ADAMTSL1: variants seen among roughly 807,000 people sequenced by gnomAD.
ADAMTSL1 encodes ADAMTS-like protein 1.
ADAMTSL1 carries 126 observed loss-of-function variants against 201.8 expected under a neutral mutation model. That is an observed-to-expected ratio of 0.62 (90% confidence interval 0.54 to 0.72). The LOEUF (loss-of-function observed/expected upper bound fraction) is 0.72. Ranked by LOEUF, ADAMTSL1 falls within the 30% of genes least tolerant of loss-of-function variation. The pLI, the probability that ADAMTSL1 is intolerant of heterozygous loss-of-function variation, is 0.00. For missense variants in ADAMTSL1, 2,679 were observed against 2,277.8 expected (o/e 1.18, Z -3.59); for synonymous variants, 1,121 against 903.4 (o/e 1.24, Z -4.32).
At chr9:18,338,425 A>C (rs1045250457) in intron 2 of ADAMTSL1, among the ~76,000 whole-genome samples, 4 of 152,038 alleles carry the variant, frequency 2.6e-5, no homozygotes, top group Middle Eastern at 3.4e-3. Context: ...CACCTTATGT[A>C]ACTGATTATC....
chr9:18,153,223 A>G (rs1209754741), intron 1 of ADAMTSL1, among the ~76,000 whole-genome samples: 2 of 151,972 alleles, frequency 1.3e-5, no homozygotes, highest in East Asian at 1.9e-4. Context: ...GGGGATAGAG[A>G]CACTGGAGCC....
At chr9:18,380,155 T>C (rs984940746) in intron 2 of ADAMTSL1, among the ~76,000 whole-genome samples, 1 of 152,214 alleles carries the variant, frequency 6.6e-6, no homozygotes, top group African/African-American at 2.4e-5. Flanking sequence ...TAACAGCCTT[T>C]CCTCCACTTA....
intron 15 of ADAMTSL1, among the ~76,000 whole-genome samples, chr9:18,730,187 G>A (rs910464065): frequency 6.6e-6 from 1 of 152,194 alleles, no homozygotes; most frequent in South Asian, 2.1e-4. Context: ...ATTTTGAGCA[G>A]AAGTCCTCAT....
intron 2 of ADAMTSL1, among the ~76,000 whole-genome samples, chr9:18,226,705 C>T (rs902953316): frequency 6.6e-6 from 1 of 152,066 alleles, no homozygotes; most frequent in Non-Finnish European, 1.5e-5. Flanking sequence ...TTGTTCCCTC[C>T]TATTCCATTT....
chr9:17,979,968 C>A (rs1361349813), intron 1 of ADAMTSL1, among the ~76,000 whole-genome samples: 1 of 152,038 alleles, frequency 6.6e-6, no homozygotes, highest in Non-Finnish European at 1.5e-5. Flanking sequence ...AAGCTTGGAA[C>A]CGTGGAAACC....
At chr9:18,542,404 C>T (rs1820207246) in intron 3 of ADAMTSL1, among the ~76,000 whole-genome samples, 1 of 152,124 alleles carries the variant, frequency 6.6e-6, no homozygotes, top group African/African-American at 2.4e-5. Flanking sequence ...TGTCCTCATT[C>T]CATTATGTGT....
intron 10 of ADAMTSL1, among the ~76,000 whole-genome samples, chr9:18,678,577 C>T (rs1221723735): frequency 6.6e-6 from 1 of 152,110 alleles, no homozygotes; most frequent in Non-Finnish European, 1.5e-5. Flanking sequence ...ACACTATGGT[C>T]AGGTCCAAGT....
At chr9:18,280,095 T>C (rs1340309979) in intron 2 of ADAMTSL1, among the ~76,000 whole-genome samples, 1 of 151,746 alleles carries the variant, frequency 6.6e-6, no homozygotes, top group Admixed American at 6.6e-5. Flanking sequence ...GTGAGGGTAT[T>C]GGAGCCAGTA....
At chr9:18,171,763 G>A (rs957652387) in intron 2 of ADAMTSL1, among the ~76,000 whole-genome samples, 1 of 152,080 alleles carries the variant, frequency 6.6e-6, no homozygotes, top group Non-Finnish European at 1.5e-5. Context: ...CCATGCCTAT[G>A]TCCTGAATGG....
chr9:18,615,861 G>A (rs57691363), intron 4 of ADAMTSL1, among the ~76,000 whole-genome samples: 1 of 152,038 alleles, frequency 6.6e-6, no homozygotes, highest in Non-Finnish European at 1.5e-5. Flanking sequence ...GTGACAGAGA[G>A]TGCTGCTGCT....
intron 2 of ADAMTSL1, among the ~76,000 whole-genome samples, chr9:18,267,233 T>C (rs1832154167): frequency 6.6e-6 from 1 of 152,138 alleles, no homozygotes; most frequent in Non-Finnish European, 1.5e-5. Flanking sequence ...GGGGACTATT[T>C]TTCAGAGGCA....
intron 3 of ADAMTSL1, among the ~76,000 whole-genome samples, chr9:18,564,794 A>G (rs1286524572): frequency 3.3e-5 from 5 of 152,226 alleles, no homozygotes; most frequent in African/African-American, 1.2e-4. Context: ...GATTTAAGAA[A>G]AGATACTGCT....
intron 2 of ADAMTSL1, among the ~76,000 whole-genome samples, chr9:18,304,990 T>G (rs761105998): frequency 6.6e-6 from 1 of 152,192 alleles, no homozygotes; most frequent in Non-Finnish European, 1.5e-5. Flanking sequence ...GATTTCTGCA[T>G]TTCCAGCTGA....
intron 1 of ADAMTSL1, among the ~76,000 whole-genome samples, chr9:18,134,263 A>T (rs1035290882): frequency 6.6e-6 from 1 of 152,160 alleles, no homozygotes; most frequent in African/African-American, 2.4e-5. Context: ...AACTGACAGG[A>T]TGTCCGGTGT....
chr9:18,667,470 C>G (rs1199205718), intron 9 of ADAMTSL1, among the ~76,000 whole-genome samples: 1 of 152,096 alleles, frequency 6.6e-6, no homozygotes, highest in African/African-American at 2.4e-5. Flanking sequence ...GCTTGAGACC[C>G]TGGCTCTGCC....
At chr9:18,593,354 C>A (rs1824048031) in intron 4 of ADAMTSL1, among the ~76,000 whole-genome samples, 2 of 151,992 alleles carry the variant, frequency 1.3e-5, no homozygotes, top group Non-Finnish European at 2.9e-5. Flanking sequence ...CTCTAAGAAA[C>A]TATTTTTGTT....
chr9:18,422,599 T>C (rs12344682), intron 2 of ADAMTSL1, among the ~76,000 whole-genome samples: 6,534 of 152,218 alleles, frequency 0.043, 375 homozygotes, highest in African/African-American at 0.13. Context: ...CCTGCATGCC[T>C]CCGTGTCCTT....
At chr9:18,056,090 G>A (rs572990759) in intron 1 of ADAMTSL1, among the ~76,000 whole-genome samples, 13 of 151,948 alleles carry the variant, frequency 8.6e-5, no homozygotes, top group Non-Finnish European at 1.3e-4. Flanking sequence ...ATTCTATAAG[G>A]GGAAAGAGGC....
intron 4 of ADAMTSL1, among the ~76,000 whole-genome samples, chr9:18,590,837 G>A (rs1183723812): frequency 2.6e-5 from 4 of 151,926 alleles, no homozygotes; most frequent in Non-Finnish European, 5.9e-5. Context: ...GTCTATATTT[G>A]TATAGTTTTG....
Sources: allele counts gnomAD v4.1 joint callset (sites outside exome capture counted in the v4.1 genomes callset), GRCh38; gene constraint gnomAD v4.1.1; transcripts MANE v1.5; gene names NCBI Gene and HGNC (gene_info 2026-07-23, HGNC 2026-07-21).